EPX: variants seen among roughly 807,000 people sequenced by gnomAD.
The protein encoded by EPX is eosinophil peroxidase.
Under a neutral mutation model 73.0 loss-of-function variants are expected in EPX, and 60 were observed. That is an observed-to-expected ratio of 0.82 (90% CI 0.67 to 1.02). The LOEUF is 1.02. Among genes scored for constraint, EPX ranks in the 50% least tolerant of loss-of-function variants. The pLI is 0.00. For synonymous variants in EPX, 347 were observed against 389.2 expected, an observed-to-expected ratio of 0.89 and a Z score of 1.28; for missense variants, 950 against 973.9, an observed-to-expected ratio of 0.98 and a Z score of 0.33.
In EPX at chr17:58,193,786, G is replaced by T. The variant is rs771365155; in HGVS notation, c.419G>T (p.Arg140Leu). The T allele has an allele frequency of 2.5e-6, 4 of 1,613,196 alleles. No homozygotes were observed. The Admixed American group carries it at 6.7e-5, about 27-fold the overall frequency. The change falls in exon 4 of 13, where the codon CGC (arginine) becomes CTC (leucine). Residue 140 changes from arginine to leucine, a missense_variant. Physicochemically the swap from Arg to Leu is moderately radical, Grantham distance 102. Transcript: ENST00000225371. ...TGTGCTCTCCGGGACCAGGCCGAGCGCTGCAGCGACAAGTACCGCACCATC... is the reference window on the plus strand; with the variant it reads ...TGTGCTCTCCGGGACCAGGCCGAGCTCTGCAGCGACAAGTACCGCACCATC... ...SGCALRDQAE[R>L]CSDKYRTITG...
intron 6 of EPX, 48 bp from the exon 7 acceptor site, chr17:58,196,891 G>C (rs1555594733): frequency 7.2e-7 from 1 of 1,396,624 alleles, no homozygotes; most frequent in Non-Finnish European, 1.0e-6. Context: ...AGAGGAGTGA[G>C]TCTGCTATTG....
chr17:58,202,930 T>C (rs1968360613), intron 10 of EPX, 151 bp from the exon 11 acceptor site: 2 of 688,192 alleles, frequency 2.9e-6, no homozygotes, highest in Admixed American at 2.1e-5. Context: ...ACCTAGTCTT[T>C]GGAAGCTCTA....
At chr17:58,196,689 T>TC (rs1270866816) in intron 6 of EPX, among the ~76,000 whole-genome samples, 2 of 152,192 alleles carry the variant, frequency 1.3e-5, no homozygotes, top group Non-Finnish European at 2.9e-5. Context: ...GAGGCTGTTT[T>TC]CCTTGCTGTA....
Position 58,192,777 on chromosome 17 carries a change from G to C in EPX, c.-70G>C. ...GCTGGGGGTCCTCAAAGTGAGAGGG[G>C]AGCAGAGGATCCTCCCGTGCAGGCT... On this transcript the variant is annotated 5_prime_UTR_variant, in exon 1 of 13. Transcript: ENST00000225371. The C allele has an allele frequency of 7.4e-7, 1 of 1,344,148 alleles. No homozygotes were observed. The highest frequency in any genetic ancestry group is 1.1e-6 in the Non-Finnish European group (1 of 951,846). 83.3% of individuals were successfully genotyped at this position (1,344,148 alleles called of 1,614,324 possible).
At position 58,200,325 on chromosome 17, in the gene EPX, G is replaced by C; in HGVS notation, c.1638G>C (p.Arg546=). Residue 546 remains arginine, a synonymous_variant, in exon 10 of 13, where the codon CGG becomes CGC. Transcript: ENST00000225371. ...ATGAGCTCCGGGACCGGCTGTTTCGGCAAGTGAGGAGGATTGGGCTGGACC... is the reference window on the plus strand; with the variant it reads ...ATGAGCTCCGGGACCGGCTGTTTCGCCAAGTGAGGAGGATTGGGCTGGACC... ...LVDELRDRLF[R]QVRRIGLDLA... The C allele has an allele frequency of 1.2e-6, 2 of 1,614,234 alleles. No individual in the cohort carries two copies. Among genetic ancestry groups the C allele is most frequent in the Non-Finnish European group, 1.7e-6 (2 of 1,180,040 alleles).
chr17:58,204,283 T>C lies in EPX; in HGVS notation c.2008T>C (p.Ser670Pro). Residue 670 changes from serine to proline, a missense_variant, in exon 12 of 13, where the codon TCC (serine) becomes CCC (proline). Transcript: ENST00000225371. Reference sequence around the variant, plus strand: ...ACAGCGCAAGGCCCTGAGCAGAATTTCCTTGTCTCGAATTATATGTGACAA... The same window carrying C: ...ACAGCGCAAGGCCCTGAGCAGAATTCCCTTGTCTCGAATTATATGTGACAA... ...KRQRKALSRI[S>P]LSRIICDNTG... 6.2e-7 allele frequency: 1 copy of C among 1,614,122 alleles called. No individual in the cohort carries two copies. Among genetic ancestry groups the C allele is most frequent in the Non-Finnish European group, 8.5e-7 (1 of 1,179,958 alleles).
At chr17:58,200,943 AT>A (rs1326267832) in intron 10 of EPX, among the ~76,000 whole-genome samples, 1 of 152,190 alleles carries the variant, frequency 6.6e-6, no homozygotes, top group Non-Finnish European at 1.5e-5. Flanking sequence ...ATATTAATTT[AT>A]TTTGTTCTCC....
rs35419219 is a variant in EPX at position 58,197,202 on chromosome 17, C to T, written c.1065C>T (p.His355=). The T allele has an allele frequency of 2.0e-3, 3,296 of 1,613,682 alleles. 69 individuals carry two copies. In the African/African-American group the frequency reaches 0.037, roughly 18 times the overall value. ...GRALLPFDNL[H]DDPCLLTNRS... is the part of the protein sequence containing the mutation. ...CCCTGCTGCCCTTCGACAACCTGCA[C>T]GATGACCCCTGTCTCCTCACCAACC... Residue 355 remains histidine, a synonymous_variant, in exon 7 of 13, where the codon CAC becomes CAT. Coordinates refer to ENST00000225371, the MANE Select transcript of EPX (RefSeq NM_000502.6).
chr17:58,193,527 C>A lies in EPX; in HGVS notation c.327C>A (p.Ser109=). ...AAGAGAAGTTACAACCCCAGCGGTCCGGACCCTTCAATGTCACTGGTACTC... is the reference window on the plus strand; with the variant it reads ...AAGAGAAGTTACAACCCCAGCGGTCAGGACCCTTCAATGTCACTGGTACTC... ...LLEEKLQPQR[S]GPFNVTDVLT... The change falls in exon 3 of 13, where the codon TCC becomes TCA. Residue 109 remains serine, a synonymous_variant. Transcript: ENST00000225371. 6.2e-7 allele frequency: 1 copy of A among 1,614,162 alleles called. No homozygotes were observed. Among genetic ancestry groups the A allele is most frequent in the Non-Finnish European group, 8.5e-7 (1 of 1,180,012 alleles).
Position 58,194,949 on chromosome 17 carries a change from T to A in EPX, c.595-15T>A, listed in dbSNP as rs746503272. 4.3e-6 allele frequency: 7 copies of A among 1,609,322 alleles called. No individual in the cohort carries two copies. The South Asian group carries it at 6.6e-5, about 15-fold the overall frequency. On this transcript the variant is annotated splice_polypyrimidine_tract_variant and intron_variant, in intron 5 of 12. Transcript: ENST00000225371. ...AGGGAGCCCATGTCCCGTGCTGATG[T>A]TATTTCCCCACCAGGTCCGGGCTGT... is the stretch of plus-strand genomic sequence containing the variant.
rs139070509 is a variant in EPX, at chr17:58,194,018, G to A, written c.520G>A (p.Glu174Lys). ...NQALARWLPA[E>K]YEDGLSLPFG... is the part of the protein sequence containing the mutation. The stretch of plus-strand genomic sequence containing the variant: ...GGCTCTGGCTCGCTGGCTGCCCGCC[G>A]AGTATGAGGATGGGCTGTCGCTCCC... Residue 174 changes from glutamate (E) to lysine (K), a missense_variant, in exon 5 of 13, where the codon GAG becomes AAG. By Grantham distance (56) the Glu-to-Lys change is moderately conservative. Coordinates refer to ENST00000225371, the MANE Select transcript of EPX (RefSeq NM_000502.6). 2.4e-4 allele frequency: 389 copies of A among 1,613,188 alleles called. 2 individuals are homozygous for A. The African/African-American group carries it at 4.5e-3, about 19-fold the overall frequency.
intron 6 of EPX, among the ~76,000 whole-genome samples, chr17:58,196,073 C>A (rs1333253865): frequency 6.9e-6 from 1 of 144,528 alleles, no homozygotes. Context: ...TCCGTCCTTT[C>A]TTTCTTTATC....
In EPX at chr17:58,203,660, C is replaced by T. The variant is rs1029764823; in HGVS notation, c.1946+342C>T. ...TGATTTAAGACCTGACGGCCGGGCG[C>T]GGTGGCTCACGCCTGTAATCCCAGC... On this transcript the variant is annotated intron_variant, in intron 11 of 12. Coordinates refer to ENST00000225371, the MANE Select transcript of EPX (RefSeq NM_000502.6). Among the ~76,000 whole-genome samples the T allele has an allele frequency of 5.9e-5, 9 of 151,966 alleles. No individual in the cohort carries two copies. In the East Asian group the frequency reaches 1.7e-3, roughly 29 times the overall value.
chr17:58,198,932 A>G, intron 7 of EPX, 108 bp from the exon 8 acceptor site: 1 of 1,156,944 alleles, frequency 8.6e-7, no homozygotes, highest in Non-Finnish European at 1.3e-6. Context: ...AGTGAGGGCC[A>G]GGAGTTTGGC....
At chr17:58,200,173 T>C in intron 9 of EPX, 52 bp from the exon 10 acceptor site, 1 of 1,581,720 alleles carries the variant, frequency 6.3e-7, no homozygotes, top group Non-Finnish European at 8.7e-7. Flanking sequence ...ATAACCCAAG[T>C]AGCTTCCCAG....
rs1968366939 is a variant in EPX at position 58,203,257 on chromosome 17, G to C, written c.1885G>C (p.Val629Leu). ...TGAGCCTCTTTTGCCGGGGGCTCGA[G>C]TGGGGCCTCTTCTGGCTTGTCTGTT... ...IAEPLLPGAR[V>L]GPLLACLFEN... Residue 629 changes from valine to leucine, a missense_variant, in exon 11 of 13, where the codon GTG becomes CTG. By Grantham distance (32) the Val-to-Leu change is conservative. Transcript: ENST00000225371. 1.2e-6 allele frequency: 2 copies of C among 1,614,088 alleles called. No homozygotes were observed. The highest frequency in any genetic ancestry group is 2.2e-5 in the East Asian group (1 of 44,884).
Position 58,199,647 on chromosome 17 carries a change from AAT to A in EPX, c.1391_1392del (p.Asn464SerfsTer36). On this transcript the variant is annotated frameshift_variant, in exon 9 of 13. Coordinates refer to ENST00000225371, the MANE Select transcript of EPX (RefSeq NM_000502.6). LOFTEE classifies it high-confidence loss of function. ...YCSNVDPRVA[N>X]VFTLAFRFGH... ...CTCCAATGTGGACCCACGGGTGGCC[AAT>A]GTCTTCACCCTGGCCTTCCGCTTTG... 6.2e-7 allele frequency: 1 copy of A among 1,614,192 alleles called. No individual in the cohort carries two copies. Among genetic ancestry groups the A allele is most frequent in the Non-Finnish European group, 8.5e-7 (1 of 1,180,040 alleles).
At chr17:58,194,358 C>T (rs1386626705) in intron 5 of EPX, among the ~76,000 whole-genome samples, 3 of 152,160 alleles carry the variant, frequency 2.0e-5, no homozygotes, top group Non-Finnish European at 4.4e-5. Flanking sequence ...CTAACCATTA[C>T]GGTGTTGTAC....
intron 7 of EPX, 112 bp from the exon 8 acceptor site, chr17:58,198,928 G>A (rs1187573527): frequency 1.1e-5 from 12 of 1,094,474 alleles, no homozygotes; most frequent in African/African-American, 1.5e-5. Context: ...GTCCAGTGAG[G>A]GCCAGGAGTT....
Sources: gnomAD v4.1 joint callset for allele counts (sites outside exome capture counted in the v4.1 genomes callset) on GRCh38, gnomAD v4.1.1 for gene constraint, MANE v1.5 for transcripts, NCBI Gene and HGNC (gene_info 2026-07-23, HGNC 2026-07-21) for gene names.